DYNC2I1: variants seen among roughly 807,000 people sequenced by gnomAD.
DYNC2I1 encodes the protein dynein 2 intermediate chain 1, also known as cytoplasmic dynein 2 intermediate chain 1.
A neutral mutation model predicts 133.4 loss-of-function variants in DYNC2I1; 89 were observed. That is an observed-to-expected ratio of 0.67 (90% CI 0.56 to 0.80). DYNC2I1 has a LOEUF of 0.80. Ranked by LOEUF, DYNC2I1 falls within the 30% of genes least tolerant of loss-of-function variation. DYNC2I1 has a pLI of 0.00. For missense variants in DYNC2I1, 1,291 were observed against 1,314.5 expected (o/e 0.98, Z 0.28); for synonymous variants, 504 against 484.3 (o/e 1.04, Z -0.54).
chr7:158,910,442 G>C (rs928186886), intron 11 of DYNC2I1, among the ~76,000 whole-genome samples: 21 of 150,704 alleles, frequency 1.4e-4, no homozygotes, highest in South Asian at 6.3e-4. Flanking sequence ...CCTGTGGGCC[G>C]AGGGCAATTG....
chr7:158,885,961 G>A (rs1416982290), intron 6 of DYNC2I1, among the ~76,000 whole-genome samples: 1 of 151,042 alleles, frequency 6.6e-6, no homozygotes, highest in African/African-American at 2.4e-5. Flanking sequence ...AACATGAAAT[G>A]TGATTAAAAT....
the DYNC2I1 span, among the ~76,000 whole-genome samples, chr7:158,839,819 CA>C: frequency 0.14 from 19,750 of 140,892 alleles, 1,763 homozygotes; most frequent in East Asian, 0.44. Context: ...GACTCCGTCT[CA>C]AAAAAAAAAA....
chr7:158,897,652 G>A (rs1845880176), intron 8 of DYNC2I1, among the ~76,000 whole-genome samples: 1 of 151,982 alleles, frequency 6.6e-6, no homozygotes, highest in Non-Finnish European at 1.5e-5. Flanking sequence ...AGTTAGCTTG[G>A]CCTAGAAGTG....
chr7:158,850,328 C>T, the DYNC2I1 span, among the ~76,000 whole-genome samples: 2 of 152,188 alleles, frequency 1.3e-5, no homozygotes, highest in Non-Finnish European at 2.9e-5. Context: ...TGCAGCTGCA[C>T]CTAGCAGGGC....
the DYNC2I1 span, among the ~76,000 whole-genome samples, chr7:158,846,702 C>G: frequency 6.6e-6 from 1 of 152,148 alleles, no homozygotes; most frequent in African/African-American, 2.4e-5. Context: ...TAATCTGTTT[C>G]TTTTTGAAAT....
chr7:158,870,906 T>C (rs1221189969), intron 2 of DYNC2I1, among the ~76,000 whole-genome samples: 2 of 152,166 alleles, frequency 1.3e-5, no homozygotes, highest in Non-Finnish European at 2.9e-5. Context: ...TCCATGATAT[T>C]GGGGCGCTGG....
chr7:158,956,752 C>T (rs1852208447), downstream of DYNC2I1: 1 of 152,384 alleles, frequency 6.6e-6, no homozygotes, highest in Admixed American at 6.5e-5. Context: ...ACCTCCCAGC[C>T]TGTGGCGTAA....
the DYNC2I1 span, among the ~76,000 whole-genome samples, chr7:158,844,373 A>G: frequency 6.6e-6 from 1 of 151,858 alleles, no homozygotes; most frequent in East Asian, 1.9e-4. Flanking sequence ...ATCGGTGCAG[A>G]TGTCACTACT....
intron 4 of DYNC2I1, 100 bp downstream of exon 4, chr7:158,876,791 C>G (rs1843397804): frequency 7.0e-7 from 1 of 1,424,632 alleles, no homozygotes; most frequent in African/African-American, 1.5e-5. Flanking sequence ...ATGTCCTAAG[C>G]CAGGATTTCA....
In DYNC2I1 at chr7:158,886,949, A is replaced by C. The variant is rs1257134489; in HGVS notation, c.936-72A>C. The C allele has an allele frequency of 2.8e-6, 4 of 1,404,164 alleles. No homozygotes were observed. In the African/African-American group the frequency reaches 5.7e-5, roughly 20 times the overall value. The allele number at this position is 1,404,164 out of a possible 1,614,324, so 87.0% of individuals were successfully genotyped here. ...AATATTGTTAAGAGCTTTCACTGAT[A>C]TGGAAAATGTTTTATTTTTTAAAAG... On this transcript the variant is annotated intron_variant, in intron 6 of 24. Transcript: ENST00000407559.
intron 13 of DYNC2I1, among the ~76,000 whole-genome samples, chr7:158,913,603 T>G (rs1301275578): frequency 6.6e-6 from 1 of 152,248 alleles, no homozygotes; most frequent in Non-Finnish European, 1.5e-5. Flanking sequence ...GAATTGCCTC[T>G]GTATGGCAGG....
At chr7:158,911,156 G>C (rs569357878) in intron 11 of DYNC2I1, among the ~76,000 whole-genome samples, 3 of 152,216 alleles carry the variant, frequency 2.0e-5, no homozygotes, top group African/African-American at 7.2e-5. Flanking sequence ...TGCGTGGTCC[G>C]ACCATGGTGC....
intron 8 of DYNC2I1, among the ~76,000 whole-genome samples, chr7:158,897,623 C>T (rs566244718): frequency 1.1e-4 from 17 of 152,154 alleles, no homozygotes; most frequent in African/African-American, 3.6e-4. Context: ...AATTTGGATC[C>T]ACTTTCTTTT....
chr7:158,866,556 G>T (rs925041579), intron 1 of DYNC2I1, among the ~76,000 whole-genome samples: 2 of 151,938 alleles, frequency 1.3e-5, no homozygotes, highest in Non-Finnish European at 2.9e-5. Flanking sequence ...TTTATAGCAG[G>T]TCCTATATTA....
intron 7 of DYNC2I1, among the ~76,000 whole-genome samples, chr7:158,888,111 G>A (rs1052068980): frequency 4.6e-5 from 6 of 130,932 alleles, no homozygotes; most frequent in Non-Finnish European, 7.8e-5. Flanking sequence ...TGCAACCTCC[G>A]CCTCCCGGGT....
chr7:158,868,977 C>T (rs1842649157), intron 1 of DYNC2I1, among the ~76,000 whole-genome samples: 1 of 152,202 alleles, frequency 6.6e-6, no homozygotes, highest in East Asian at 1.9e-4. Flanking sequence ...GTGTAAGAGG[C>T]TGTGGTGTGA....
Position 158,878,730 on chromosome 7 carries a change from CTG to C in DYNC2I1, c.574-951_574-950del, listed in dbSNP as rs202107089. 5.0e-3 allele frequency among the ~76,000 whole-genome samples: 694 copies of C among 138,926 alleles called. 7 individuals are homozygous for C. Among genetic ancestry groups the C allele is most frequent in the African/African-American group, 0.017 (608 of 35,812 alleles). The allele number at this position is 138,926 out of a possible 152,430, so 91.1% of individuals were successfully genotyped here. ...CATGTGGGGAGGCGAGGAGGGCAGA[CTG>C]TGAGTGCCGGGTGCCATGTGGGGAG... On this transcript the variant is annotated intron_variant, in intron 4 of 24. Coordinates refer to ENST00000407559, the MANE Select transcript of DYNC2I1 (RefSeq NM_018051.5).
intron 14 of DYNC2I1, among the ~76,000 whole-genome samples, chr7:158,917,780 A>G (rs1848622316): frequency 6.6e-6 from 1 of 151,588 alleles, no homozygotes; most frequent in Non-Finnish European, 1.5e-5. Context: ...GTCATTTCTC[A>G]CTTCAAATCT....
At chr7:158,929,368 G>A (rs1333040797) in intron 20 of DYNC2I1, among the ~76,000 whole-genome samples, 1 of 152,282 alleles carries the variant, frequency 6.6e-6, no homozygotes, top group East Asian at 1.9e-4. Flanking sequence ...ACTTACTGGA[G>A]CGGAGGCGCA....
Sources: gnomAD v4.1 joint callset for allele counts (sites outside exome capture counted in the v4.1 genomes callset) on GRCh38, gnomAD v4.1.1 for gene constraint, MANE v1.5 for transcripts, NCBI Gene and HGNC (gene_info 2026-07-23, HGNC 2026-07-21) for gene names.